The following CDYL variants were observed in gnomAD, a reference collection of about 807,000 sequenced individuals.
The protein encoded by CDYL is chromodomain Y-like protein.
In CDYL, 8 loss-of-function variants were observed where a neutral mutation model predicts 47.3. That is an observed-to-expected ratio of 0.17 (90% CI 0.10 to 0.31). The LOEUF is 0.31. Among genes scored for constraint, CDYL ranks in the 10% least tolerant of loss-of-function variants. The pLI is 1.00. For synonymous variants in CDYL, 266 were observed against 265.0 expected, an observed-to-expected ratio of 1.00 and a Z score of -0.04; for missense variants, 471 against 701.4, an observed-to-expected ratio of 0.67 and a Z score of 3.71.
At chr6:4,719,652 T>C (rs1382046822) in intron 2 of CDYL, among the ~76,000 whole-genome samples, 3 of 152,140 alleles carry the variant, frequency 2.0e-5, no homozygotes, top group Admixed American at 6.6e-5. Context: ...AGGAGAACGA[T>C]GATGGGGGTT....
chr6:4,724,343 G>A (rs1278806266), intron 2 of CDYL: 1 of 152,092 alleles, frequency 6.6e-6, no homozygotes, highest in Non-Finnish European at 1.5e-5. Context: ...GAGCCACCAT[G>A]CCGAGCCTGT....
At chr6:4,843,011 TTC>T (rs1324398596) in intron 1 of CDYL, among the ~76,000 whole-genome samples, 1 of 152,206 alleles carries the variant, frequency 6.6e-6, no homozygotes, top group African/African-American at 2.4e-5. Flanking sequence ...TATTGGCAGA[TTC>T]TCTCAGTATT....
chr6:4,765,088 C>T lies in CDYL; in HGVS notation c.186+30244C>T, dbSNP rs185341643. ...CTGTAATCCCAGCACTTTGGGAGGT[C>T]AAGGTGGGTGGATTAACTGAGGTCA... On this transcript the variant is annotated intron_variant, in intron 3 of 8. Coordinates refer to the CDYL transcript ENST00000328908. Among the ~76,000 whole-genome samples the T allele has an allele frequency of 1.6e-4, 24 of 152,140 alleles. 1 individual carries two copies. The South Asian group carries it at 2.7e-3, about 17-fold the overall frequency.
intron 3 of CDYL, among the ~76,000 whole-genome samples, chr6:4,769,782 TTTG>T (rs1012328843): frequency 1.2e-4 from 18 of 152,076 alleles, no homozygotes; most frequent in Non-Finnish European, 1.9e-4. Flanking sequence ...TTAAGACTTT[TTTG>T]TTGTTGTTTT....
chr6:4,949,587 T>A (rs1448538652), intron 5 of CDYL, among the ~76,000 whole-genome samples: 1 of 152,206 alleles, frequency 6.6e-6, no homozygotes, highest in East Asian at 1.9e-4. Flanking sequence ...TGGGGTGATG[T>A]AGGTTGTCTA....
intron 1 of CDYL, among the ~76,000 whole-genome samples, chr6:4,859,714 A>T (rs1211195049): frequency 2.6e-5 from 4 of 152,094 alleles, no homozygotes; most frequent in African/African-American, 9.7e-5. Context: ...ATGCTTTCTA[A>T]CTTAGATGTT....
chr6:4,852,364 TTCCTTCC>T (rs1355015087), intron 1 of CDYL, among the ~76,000 whole-genome samples: 2 of 147,796 alleles, frequency 1.4e-5, no homozygotes, highest in Non-Finnish European at 3.0e-5. Context: ...TCTTCCTTCC[TTCCTTCC>T]TCCTTCCTTC....
chr6:4,730,700 A>AAG (rs1757589792), intron 2 of CDYL, among the ~76,000 whole-genome samples: 1 of 143,164 alleles, frequency 7.0e-6, no homozygotes, highest in African/African-American at 2.7e-5. Flanking sequence ...AAAAAAAAAA[A>AAG]GAACATACCT....
chr6:4,851,622 G>T (rs1760831235), intron 1 of CDYL, among the ~76,000 whole-genome samples: 1 of 152,164 alleles, frequency 6.6e-6, no homozygotes, highest in Non-Finnish European at 1.5e-5. Flanking sequence ...CGAGGACCTG[G>T]CTGGAAAGGA....
chr6:4,849,730 A>G (rs934650223), intron 1 of CDYL, among the ~76,000 whole-genome samples: 5 of 152,176 alleles, frequency 3.3e-5, no homozygotes, highest in Non-Finnish European at 7.3e-5. Flanking sequence ...CATGTCAGAA[A>G]ATTCTTACTT....
intron 1 of CDYL, among the ~76,000 whole-genome samples, chr6:4,859,949 T>G (rs952051785): frequency 1.3e-5 from 2 of 151,636 alleles, no homozygotes; most frequent in Admixed American, 6.6e-5. Flanking sequence ...TCACCCAGGC[T>G]GGAGTGCAGT....
At chr6:4,841,276 G>C (rs1760481497) in intron 1 of CDYL, among the ~76,000 whole-genome samples, 1 of 152,024 alleles carries the variant, frequency 6.6e-6, no homozygotes. Flanking sequence ...GTGAATTCTA[G>C]TTGAGAGTTT....
chr6:4,724,162 T>TC (rs1757436491), intron 2 of CDYL, among the ~76,000 whole-genome samples: 1 of 152,122 alleles, frequency 6.6e-6, no homozygotes, highest in South Asian at 2.1e-4. Context: ...TGCCTCAGCT[T>TC]CCGAAGTAGC....
intron 3 of CDYL, among the ~76,000 whole-genome samples, chr6:4,738,553 G>A (rs905341184): frequency 6.6e-6 from 1 of 152,190 alleles, no homozygotes; most frequent in African/African-American, 2.4e-5. Flanking sequence ...AGGATCGTGG[G>A]AAACCAAAGA....
chr6:4,885,781 A>G (rs1187210900), intron 1 of CDYL, among the ~76,000 whole-genome samples: 1 of 152,140 alleles, frequency 6.6e-6, no homozygotes, highest in Non-Finnish European at 1.5e-5. Context: ...CAGTTTACCC[A>G]TTTAAATTAG....
At chr6:4,883,872 G>A (rs1761828302) in intron 1 of CDYL, among the ~76,000 whole-genome samples, 1 of 152,158 alleles carries the variant, frequency 6.6e-6, no homozygotes, top group African/African-American at 2.4e-5. Context: ...AGAGAACTTT[G>A]AGTATGTAAA....
chr6:4,915,169 C>G (rs1377575168), intron 2 of CDYL, among the ~76,000 whole-genome samples: 1 of 152,190 alleles, frequency 6.6e-6, no homozygotes, highest in East Asian at 1.9e-4. Context: ...CGATCACCTC[C>G]CAGTGGAAAT....
intron 3 of CDYL, among the ~76,000 whole-genome samples, chr6:4,762,790 C>T (rs1042700121): frequency 6.6e-6 from 1 of 151,188 alleles, no homozygotes; most frequent in Non-Finnish European, 1.5e-5. Context: ...AATGATAATA[C>T]AACGCATAGG....
chr6:4,810,886 A>G (rs966037854), intron 1 of CDYL, among the ~76,000 whole-genome samples: 6 of 152,224 alleles, frequency 3.9e-5, no homozygotes, highest in African/African-American at 1.2e-4. Flanking sequence ...TTTTAGTACC[A>G]TCATACTAGG....
Sources: gnomAD v4.1 joint callset for allele counts (sites outside exome capture counted in the v4.1 genomes callset) on GRCh38, gnomAD v4.1.1 for gene constraint, MANE v1.5 for transcripts, NCBI Gene and HGNC (gene_info 2026-07-23, HGNC 2026-07-21) for gene names.